VWF: variants seen among roughly 807,000 people sequenced by gnomAD.
VWF encodes von Willebrand factor.
VWF carries 176 observed loss-of-function variants against 308.6 expected under a neutral mutation model. The ratio of observed to expected loss-of-function variants is 0.57; its 90% confidence interval spans 0.50 to 0.65. The LOEUF is 0.65. VWF is among the 30% of genes least tolerant of loss of function. The pLI is 0.00. For synonymous variants in VWF, 1,385 were observed against 1,443.4 expected, an observed-to-expected ratio of 0.96 and a Z score of 0.92; for missense variants, 3,146 against 3,648.2, an observed-to-expected ratio of 0.86 and a Z score of 3.55.
In VWF at chr12:5,993,957, C is replaced by G; in HGVS notation, c.6503G>C (p.Cys2168Ser). The G allele has an allele frequency of 6.2e-7, 1 of 1,614,168 alleles. No homozygotes were observed. The change falls in exon 37 of 52, where the codon TGC becomes TCC. Residue 2168 changes from cysteine (C) to serine (S), a missense_variant. Transcript: ENST00000261405. ...TFYAICQQDS[C>S]HQEQVCEVIA... is the part of the protein sequence containing the mutation. ...CACCTCACACACTTGCTCCTGGTGG[C>G]AACTGTCCTGCTGGCAGATGGCATA... is the stretch of plus-strand genomic sequence containing the variant.
At chr12:6,006,057 T>C (rs1425061045) in intron 34 of VWF, among the ~76,000 whole-genome samples, 1 of 152,158 alleles carries the variant, frequency 6.6e-6, no homozygotes, top group African/African-American at 2.4e-5. Context: ...ACTATAAAAA[T>C]CAGTTAATGA....
chr12:6,063,233 A>AGGT lies in VWF; in HGVS notation c.1433-182_1433-180dup, dbSNP rs1167601758. On this transcript the variant is annotated intron_variant, in intron 12 of 51. Coordinates refer to ENST00000261405, the MANE Select transcript of VWF (RefSeq NM_000552.5). The surrounding 1 kb of genome is among the most constrained non-coding windows in gnomAD (Gnocchi z 4.9). ...GGGGTGTCAGGAGGAAGGGTGATCA[A>AGGT]GGTGGACAGAGCGCAAATAGGGTCC... Among the ~76,000 whole-genome samples the AGGT allele has an allele frequency of 1.3e-5, 2 of 152,156 alleles. No homozygotes were observed. Among genetic ancestry groups the AGGT allele is most frequent in the Non-Finnish European group, 2.9e-5 (2 of 68,014 alleles).
chr12:5,949,332 AC>A, intron 51 of VWF, 129 bp from the exon 52 acceptor site: 1 of 899,510 alleles, frequency 1.1e-6, no homozygotes, highest in Non-Finnish European at 1.8e-6. Flanking sequence ...ACCCAGAAGC[AC>A]CCAGGACAGC....
chr12:6,004,930 A>T (rs1943910523), intron 34 of VWF, among the ~76,000 whole-genome samples: 1 of 152,200 alleles, frequency 6.6e-6, no homozygotes, highest in Non-Finnish European at 1.5e-5. Flanking sequence ...AGTCAGCTTG[A>T]ATAAGTGGAC....
At chr12:6,066,423 C>T (rs1479178235) in intron 10 of VWF, among the ~76,000 whole-genome samples, 1 of 152,232 alleles carries the variant, frequency 6.6e-6, no homozygotes, top group East Asian at 1.9e-4. Context: ...TAGAGAGAGA[C>T]ACCATTGCCA....
At chr12:6,120,331 T>A (rs964588971) in intron 3 of VWF, among the ~76,000 whole-genome samples, 1 of 151,974 alleles carries the variant, frequency 6.6e-6, no homozygotes, top group African/African-American at 2.4e-5. Context: ...GTGGGTTGTT[T>A]TTTTTTTTGA....
At chr12:5,987,485 G>T (rs907796247) in intron 38 of VWF, among the ~76,000 whole-genome samples, 2 of 152,184 alleles carry the variant, frequency 1.3e-5, no homozygotes, top group Admixed American at 1.3e-4. Flanking sequence ...CTAGCCTCTT[G>T]CAGCACAACT....
chr12:5,994,951 A>C (rs1051819164), intron 35 of VWF, among the ~76,000 whole-genome samples: 1 of 151,968 alleles, frequency 6.6e-6, no homozygotes, highest in African/African-American at 2.4e-5. Flanking sequence ...CTTATTGCCA[A>C]CTCATCAGAG....
chr12:6,042,509 G>C (rs576583341), intron 18 of VWF, among the ~76,000 whole-genome samples: 82 of 152,310 alleles, frequency 5.4e-4, no homozygotes, highest in Non-Finnish European at 1.0e-3. Flanking sequence ...CTGCTCTCTC[G>C]AATCTGGCCG....
At chr12:6,043,082 C>T (rs1944411389) in intron 18 of VWF, among the ~76,000 whole-genome samples, 1 of 152,178 alleles carries the variant, frequency 6.6e-6, no homozygotes, top group Non-Finnish European at 1.5e-5. Context: ...TGCTAAGGCA[C>T]CAAACAACCC....
intron 47 of VWF, among the ~76,000 whole-genome samples, chr12:5,965,894 C>A (rs1294639440): frequency 2.0e-5 from 3 of 152,190 alleles, no homozygotes; most frequent in African/African-American, 7.2e-5. Flanking sequence ...AGGTGGCTTG[C>A]ACTCCCCTGG....
intron 47 of VWF, among the ~76,000 whole-genome samples, chr12:5,964,274 G>GCATACATACATACATACATACATACATA (rs59202475): frequency 8.2e-5 from 11 of 134,704 alleles, no homozygotes; most frequent in African/African-American, 2.8e-4. Context: ...ATACATACAT[G>GCATACATACATACATACATACATACATA]CATACATACA....
At position 5,995,518 on chromosome 12, in the gene VWF, T is replaced by C. The variant is rs144354246; in HGVS notation, c.6063+484A>G. Reference sequence around the variant, plus strand: ...AAAGAAGTTGGCATAGTGTAACCTTTTGTAAGCATTTAATCAATCATTTAT... The same window carrying C: ...AAAGAAGTTGGCATAGTGTAACCTTCTGTAAGCATTTAATCAATCATTTAT... On this transcript the variant is annotated intron_variant, in intron 35 of 51. Transcript: ENST00000261405. 2.6e-5 allele frequency among the ~76,000 whole-genome samples: 4 copies of C among 152,344 alleles called. No individual in the cohort carries two copies. The East Asian group carries it at 7.7e-4, about 29-fold the overall frequency.
At position 6,044,297 on chromosome 12, in the gene VWF, CG is replaced by C. The variant is rs62643632; in HGVS notation, c.2435del (p.Pro812ArgfsTer31). On this transcript the variant is annotated frameshift_variant, in exon 18 of 52. Coordinates refer to ENST00000261405, the MANE Select transcript of VWF (RefSeq NM_000552.5). LOFTEE classifies it high-confidence loss of function. The part of the protein sequence containing the change: ...MGCVSGCLCP[P>X]GMVRHENRCV... ...TCTGTGCCTGGTGACTCACCATGCC[CG>C]GGGGGCAGAGGCAGCCAGAGACACA... 7.2e-5 allele frequency: 116 copies of C among 1,613,916 alleles called. No homozygotes were observed. Among genetic ancestry groups the C allele is most frequent in the Middle Eastern group, 1.6e-4 (1 of 6,074 alleles).
intron 43 of VWF, among the ~76,000 whole-genome samples, chr12:5,974,948 G>C (rs2136362025): frequency 6.6e-6 from 1 of 152,230 alleles, no homozygotes; most frequent in Admixed American, 6.5e-5. Context: ...GAAATATATT[G>C]GTTGTCAATT....
chr12:6,006,603 C>A (rs1943929612), intron 34 of VWF, among the ~76,000 whole-genome samples: 1 of 152,062 alleles, frequency 6.6e-6, no homozygotes, highest in African/African-American at 2.4e-5. Flanking sequence ...CATGGTGAAA[C>A]CCCGTCTCTA....
At position 6,063,782 on chromosome 12, in the gene VWF, G is replaced by A. The variant is rs924724012; in HGVS notation, c.1432+464C>T. Among the ~76,000 whole-genome samples, 1 of 152,124 alleles carries A rather than the reference G, an allele frequency of 6.6e-6. No individual in the cohort carries two copies. Among genetic ancestry groups the A allele is most frequent in the African/African-American group, 2.4e-5 (1 of 41,396 alleles). ...CCAGGTGAAGATACTGGACAGGTAG[G>A]TTTTTTGCTACCTCTAGACAGGCCA... On this transcript the variant is annotated intron_variant, in intron 12 of 51. Transcript: ENST00000261405. This position sits in a 1 kb window ranked among gnomAD's most constrained non-coding sequence, Gnocchi z 4.9.
chr12:6,058,186 C>T lies in VWF; in HGVS notation c.1534-142G>A. On this transcript the variant is annotated intron_variant, in intron 13 of 51. Transcript: ENST00000261405. This position sits in a 1 kb window ranked among gnomAD's most constrained non-coding sequence, Gnocchi z 4.9. ...TGAATGTAATAAAAGGCAGCTAAGC[C>T]CTAGGCTGCAAAAGGGGGGGCGGGG... 1.0e-6 allele frequency: 1 copy of T among 968,960 alleles called. No individual in the cohort carries two copies. The highest frequency in any genetic ancestry group is 1.6e-5 in the South Asian group (1 of 62,398). The allele number at this position is 968,960 out of a possible 1,614,324, so 60.0% of individuals were successfully genotyped here. A position where few individuals can be genotyped will look rare whatever the true frequency, so the allele number is the denominator to read the frequency against.
At chr12:6,109,899 C>T (rs1208551950) in intron 5 of VWF, among the ~76,000 whole-genome samples, 2 of 152,354 alleles carry the variant, frequency 1.3e-5, no homozygotes, top group South Asian at 2.1e-4. Flanking sequence ...ATCCGCCTGC[C>T]TCGGCCTCCC....
Sources: allele counts gnomAD v4.1 joint callset (sites outside exome capture counted in the v4.1 genomes callset), GRCh38; gene constraint gnomAD v4.1.1; non-coding constraint Gnocchi (gnomAD v3.1); transcripts MANE v1.5; gene names NCBI Gene and HGNC (gene_info 2026-07-23, HGNC 2026-07-21).